Variants in SELE observed in about 807,000 individuals in gnomAD.
SELE encodes the protein E-selectin.
In SELE, 52 loss-of-function variants were observed where a neutral mutation model predicts 75.8. The observed-to-expected ratio is 0.69, with a 90% CI of 0.55 to 0.86. The LOEUF (loss-of-function observed/expected upper bound fraction) is 0.86. Among genes scored for constraint, SELE ranks in the 40% least tolerant of loss-of-function variants. The pLI is 0.00. For synonymous variants in SELE, 285 were observed against 258.7 expected (o/e 1.10, Z -0.98); for missense variants, 754 against 732.7 (o/e 1.03, Z -0.34).
chr1:169,732,690 TG>T lies in SELE; in HGVS notation c.345del (p.Tyr115Ter). The T allele has an allele frequency of 6.2e-7, 1 of 1,613,956 alleles. No homozygotes were observed. The highest frequency in any genetic ancestry group is 8.5e-7 in the Non-Finnish European group (1 of 1,179,982). On this transcript the variant is annotated frameshift_variant, in exon 3 of 14. Transcript: ENST00000333360. LOFTEE classifies it high-confidence loss of function. ...RQKDEDCVEIYIKREKDVGMW... is the reference protein window; with the variant it reads ...RQKDEDCVEIXIKREKDVGMW... ...ATGCCCACATCTTTTTCTCTCTTGA[TG>T]TAGATCTCCACGCAGTCCTCATCTT...
At chr1:169,726,439 G>A (rs533782564) in intron 11 of SELE, among the ~76,000 whole-genome samples, 18 of 152,100 alleles carry the variant, frequency 1.2e-4, no homozygotes, top group Non-Finnish European at 2.4e-4. Flanking sequence ...GCACAATTCC[G>A]GGAGGCATCA....
Position 169,728,046 on chromosome 1 carries a change from C to T in SELE, c.1279+12G>A. 6.3e-7 allele frequency: 1 copy of T among 1,592,708 alleles called. No homozygotes were observed. The highest frequency in any genetic ancestry group is 8.5e-7 in the Non-Finnish European group (1 of 1,174,142). On this transcript the variant is annotated intron_variant, in intron 8 of 13. Transcript: ENST00000333360. ...TTTTTATCTTAAAATAAAATAAAAA[C>T]AAAGACTGTACCTTCACATGTGGGC...
At position 169,728,228 on chromosome 1, in the gene SELE, A is replaced by C. The variant is rs1225554613; in HGVS notation, c.1109T>G (p.Leu370Trp). 2 of 1,613,894 alleles carry C rather than the reference A, an allele frequency of 1.2e-6. No individual in the cohort carries two copies. The highest frequency in any genetic ancestry group is 2.7e-5 in the African/African-American group (2 of 75,032). Residue 370 changes from leucine to tryptophan, a missense_variant, in exon 8 of 14, where the codon TTG becomes TGG. By Grantham distance (61) the Leu-to-Trp change is moderately conservative. Transcript: ENST00000333360. ...CATGTAGCCTCGCTCGGGGTTGGAC[A>C]AGGCTGTGCACTGGAAAGCTGAGAC... is the stretch of plus-strand genomic sequence containing the variant. ...PVCEAFQCTA[L>W]SNPERGYMNC...
intron 2 of SELE, 40 bp downstream of exon 2, chr1:169,733,536 T>C: frequency 6.3e-7 from 1 of 1,588,478 alleles, no homozygotes; most frequent in Non-Finnish European, 8.6e-7. Flanking sequence ...ATATCTATAG[T>C]GCGAGAATGA....
chr1:169,733,210 C>G (rs889670384), intron 2 of SELE, among the ~76,000 whole-genome samples: 7 of 152,210 alleles, frequency 4.6e-5, no homozygotes. Context: ...CTTATCCACA[C>G]TCACTCACAA....
At chr1:169,733,435 A>G in intron 2 of SELE, 141 bp downstream of exon 2, 1 of 806,880 alleles carries the variant, frequency 1.2e-6, no homozygotes, top group Admixed American at 2.1e-5. Context: ...CCCCAAGCCC[A>G]GGGAAGAACA....
chr1:169,727,562 A>G, intron 9 of SELE, 37 bp from the exon 10 acceptor site: 1 of 1,586,404 alleles, frequency 6.3e-7, no homozygotes, highest in South Asian at 1.2e-5. Context: ...GTTTCAGAAA[A>G]ATCTACTGGA....
intron 3 of SELE, 100 bp from the exon 4 acceptor site, chr1:169,732,042 T>C: frequency 1.4e-6 from 1 of 703,240 alleles, no homozygotes; most frequent in East Asian, 2.9e-5. Context: ...ACATCAGCAG[T>C]CCTACAGAGT....
chr1:169,726,010 A>T, intron 11 of SELE, 82 bp from the exon 12 acceptor site: 1 of 1,513,914 alleles, frequency 6.6e-7, no homozygotes, highest in South Asian at 1.1e-5. Flanking sequence ...AATATGACTT[A>T]ATTCATCAAG....
intron 7 of SELE, 33 bp from the exon 8 acceptor site, chr1:169,728,279 G>T: frequency 3.1e-6 from 5 of 1,606,502 alleles, no homozygotes; most frequent in Non-Finnish European, 4.3e-6. Flanking sequence ...AGAAAATATT[G>T]CAGTGGAACT....
Position 169,732,832 on chromosome 1 carries a change from A to C in SELE, c.204T>G (p.Ser68Arg). The C allele has an allele frequency of 6.2e-7, 1 of 1,614,118 alleles. No individual in the cohort carries two copies. The highest frequency in any genetic ancestry group is 1.3e-5 in the African/African-American group (1 of 75,022). The change falls in exon 3 of 14, where the codon AGT becomes AGG. Residue 68 changes from serine (S) to arginine (R), a missense_variant. Coordinates refer to ENST00000333360, the MANE Select transcript of SELE (RefSeq NM_000450.2). Reference protein sequence around the residue: ...YLNSILSYSPSYYWIGIRKVN... With the variant: ...YLNSILSYSPRYYWIGIRKVN... ...CTTTTCTGATTCCAATCCAGTAATA[A>C]CTTGGTGAATAGCTCAATATGGAGT...
Position 169,730,604 on chromosome 1 carries a change from T to G in SELE, c.543A>C (p.Thr181=). Residue 181 remains threonine, a synonymous_variant, in exon 5 of 14, where the codon ACA becomes ACC. Coordinates refer to ENST00000333360, the MANE Select transcript of SELE (RefSeq NM_000450.2). ...TTCCATGCTCAGGGGATTCCAGGGC[T>G]GTACAGTTCACAACTGAAAAAGAAA... ...GLKCEQIVNC[T]ALESPEHGSL... 1 of 1,612,856 alleles carries G rather than the reference T, an allele frequency of 6.2e-7. No homozygotes were observed. The highest frequency in any genetic ancestry group is 2.2e-5 in the East Asian group (1 of 44,840).
At chr1:169,729,739 G>A (rs1055405923) in intron 5 of SELE, 66 bp from the exon 6 acceptor site, 28 of 1,518,382 alleles carry the variant, frequency 1.8e-5, no homozygotes, top group African/African-American at 2.7e-5. Flanking sequence ...TATTGAGCTG[G>A]GTGCCTAACA....
intron 9 of SELE, 55 bp downstream of exon 9, chr1:169,727,684 G>A: frequency 6.4e-7 from 1 of 1,572,106 alleles, no homozygotes; most frequent in South Asian, 1.2e-5. Flanking sequence ...TCTAGGTTCA[G>A]AAACTTTATG....
chr1:169,730,698 GTTTTT>G, intron 4 of SELE, 81 bp from the exon 5 acceptor site: 1 of 566,742 alleles, frequency 1.8e-6, no homozygotes, highest in Non-Finnish European at 2.6e-6. Context: ...CTACAGTTTG[GTTTTT>G]TTTTTTTTTA....
intron 5 of SELE, 101 bp downstream of exon 5, chr1:169,730,331 A>C (rs564573265): frequency 6.9e-6 from 8 of 1,158,288 alleles, no homozygotes; most frequent in Middle Eastern, 2.7e-4. Flanking sequence ...AAAACAAAAA[A>C]AAAACTTTCC....
chr1:169,732,626 A>AG lies in SELE; in HGVS notation c.409dup (p.Leu137ProfsTer17), dbSNP rs1169308416. On this transcript the variant is annotated frameshift_variant, in exon 3 of 14. Coordinates refer to ENST00000333360, the MANE Select transcript of SELE (RefSeq NM_000450.2). LOFTEE classifies it high-confidence loss of function. Reference sequence around the variant, plus strand: ...CGCAAACTCCCTACCTGTGTAGCATAGGGCAAGCTTCTTCTTGCTGCACCT... The same window carrying AG: ...CGCAAACTCCCTACCTGTGTAGCATAGGGGCAAGCTTCTTCTTGCTGCACCT... The AG allele has an allele frequency of 1.9e-6, 3 of 1,596,948 alleles. No homozygotes were observed.
chr1:169,731,767 T>G (rs1648917227), intron 4 of SELE, 68 bp downstream of exon 4: 2 of 1,072,798 alleles, frequency 1.9e-6, no homozygotes, highest in Non-Finnish European at 2.9e-6. Context: ...GACCTGACTC[T>G]AATGCCAGCT....
Position 169,723,011 on chromosome 1 carries a change from A to G in SELE, c.*1514T>C, listed in dbSNP as rs546851405. On this transcript the variant is annotated 3_prime_UTR_variant, in exon 14 of 14. Coordinates refer to ENST00000333360, the MANE Select transcript of SELE (RefSeq NM_000450.2). ...TTTGTTGTTGCCAGTGTTCAGCCAG[A>G]ACTTCTCTGAAACTTTTTTTTCAAC... 6.6e-6 allele frequency: 1 copy of G among 152,244 alleles called. No individual in the cohort carries two copies. The highest frequency in any genetic ancestry group is 2.1e-4 in the South Asian group (1 of 4,826). 9.4% of individuals were successfully genotyped at this position (152,244 alleles called of 1,614,324 possible).
Sources: allele counts gnomAD v4.1 joint callset (sites outside exome capture counted in the v4.1 genomes callset), GRCh38; gene constraint gnomAD v4.1.1; transcripts MANE v1.5; gene names NCBI Gene and HGNC (gene_info 2026-07-23, HGNC 2026-07-21).